Variants in PARVB observed in about 807,000 individuals in gnomAD.
PARVB encodes the protein parvin beta, also known as beta-parvin.
Under a neutral mutation model 47.0 loss-of-function variants are expected in PARVB, and 46 were observed. The ratio of observed to expected loss-of-function variants is 0.98; its 90% confidence interval spans 0.77 to 1.25. The LOEUF (loss-of-function observed/expected upper bound fraction) is 1.25, where lower values mean the gene tolerates loss of function less well. Among genes scored for constraint, PARVB ranks in the 50% most tolerant of loss-of-function variants. The pLI, the probability that PARVB is intolerant of heterozygous loss-of-function variation, is 0.00. For synonymous variants in PARVB, 196 were observed against 196.3 expected, an observed-to-expected ratio of 1.00 and a Z score of 0.01; for missense variants, 473 against 471.6, an observed-to-expected ratio of 1.00 and a Z score of -0.03.
At chr22:44,108,807 T>G (rs1426101923) in intron 3 of PARVB, 1 of 152,222 alleles carries the variant, frequency 6.6e-6, no homozygotes, top group East Asian at 1.9e-4. Flanking sequence ...CAGTTAAGGC[T>G]GTTTTTACTT....
At chr22:44,050,325 C>T (rs577503227) in intron 1 of PARVB, among the ~76,000 whole-genome samples, 6 of 151,928 alleles carry the variant, frequency 3.9e-5, no homozygotes, top group Admixed American at 1.3e-4. Context: ...ACAAGACATT[C>T]CTACAGGTGA....
At chr22:44,041,531 G>C (rs992321973) in intron 1 of PARVB, among the ~76,000 whole-genome samples, 2 of 152,012 alleles carry the variant, frequency 1.3e-5, no homozygotes, top group African/African-American at 4.8e-5. Context: ...ATGTTTCTAT[G>C]TGTTTGAAAC....
chr22:44,061,466 C>G (rs1260154286), intron 1 of PARVB, among the ~76,000 whole-genome samples: 1 of 151,258 alleles, frequency 6.6e-6, no homozygotes, highest in Non-Finnish European at 1.5e-5. Flanking sequence ...CAAAACAAAC[C>G]AAAACAGTGA....
chr22:44,019,072 A>G (rs934007919), intron 2 of PARVB, among the ~76,000 whole-genome samples: 1 of 151,646 alleles, frequency 6.6e-6, no homozygotes, highest in African/African-American at 2.4e-5. Context: ...GCCTGCCACC[A>G]TACCTGGCTA....
At chr22:44,038,718 G>A (rs1193259590) in intron 1 of PARVB, among the ~76,000 whole-genome samples, 2 of 152,096 alleles carry the variant, frequency 1.3e-5, no homozygotes, top group East Asian at 3.9e-4. Context: ...GGAGGTGGAC[G>A]TTGCAGTGAG....
At chr22:44,084,717 C>T (rs1482981268) in intron 1 of PARVB, among the ~76,000 whole-genome samples, 1 of 152,210 alleles carries the variant, frequency 6.6e-6, no homozygotes, top group East Asian at 1.9e-4. Context: ...TTCCTCCCTC[C>T]TTCAGGGTAG....
At chr22:44,004,252 A>G (rs948103944) in intron 2 of PARVB, among the ~76,000 whole-genome samples, 1 of 152,248 alleles carries the variant, frequency 6.6e-6, no homozygotes, top group African/African-American at 2.4e-5. Context: ...CTGGGGCAGG[A>G]GCAGGCGCTC....
chr22:44,170,991 T>G lies in PARVB; in HGVS notation c.*2313T>G, dbSNP rs1024948901. On this transcript the variant is annotated 3_prime_UTR_variant, in exon 13 of 13. Coordinates refer to ENST00000338758, the MANE Select transcript of PARVB (RefSeq NM_013327.5). ...GTGATTTCCCAGCAGGGGAAAGAAATAATTAAAACAGCATTACGGTGTCTC... is the reference window on the plus strand; with the variant it reads ...GTGATTTCCCAGCAGGGGAAAGAAAGAATTAAAACAGCATTACGGTGTCTC... 1 of 152,172 alleles carries G rather than the reference T, an allele frequency of 6.6e-6. No homozygotes were observed. Among genetic ancestry groups the G allele is most frequent in the Non-Finnish European group, 1.5e-5 (1 of 68,036 alleles). The allele number at this position is 152,172 out of a possible 1,614,324, so 9.4% of individuals were successfully genotyped here. A position where few individuals can be genotyped will look rare whatever the true frequency, so the allele number is the denominator to read the frequency against.
In PARVB at chr22:44,148,064, C is replaced by A. The variant is rs746525237; in HGVS notation, c.774+142C>A. The A allele has an allele frequency of 1.3e-4, 90 of 716,284 alleles. 1 individual carries two copies. The Middle Eastern group carries it at 2.2e-3, about 18-fold the overall frequency. The allele number at this position is 716,284 out of a possible 1,614,324, so 44.4% of individuals were successfully genotyped here. A position where few individuals can be genotyped will look rare whatever the true frequency, so the allele number is the denominator to read the frequency against. On this transcript the variant is annotated intron_variant, in intron 9 of 12. Coordinates refer to ENST00000338758, the MANE Select transcript of PARVB (RefSeq NM_013327.5). ...ACATGGATTGAAATGTAATTACAGT[C>A]AAAAACCTAACCACAGTGCATAAAA...
chr22:44,165,239 T>C (rs892721635), intron 12 of PARVB, among the ~76,000 whole-genome samples: 2 of 152,344 alleles, frequency 1.3e-5, no homozygotes, highest in Non-Finnish European at 2.9e-5. Flanking sequence ...CTCAAGCGAT[T>C]CGCCCATTAC....
chr22:44,022,765 G>C (rs568356507), upstream of PARVB, among the ~76,000 whole-genome samples: 1 of 149,198 alleles, frequency 6.7e-6, no homozygotes, highest in South Asian at 2.1e-4. Flanking sequence ...TTTATTTTTG[G>C]AGACAGAGTC....
At chr22:44,117,140 C>T (rs919517237) in intron 3 of PARVB, among the ~76,000 whole-genome samples, 3 of 152,138 alleles carry the variant, frequency 2.0e-5, no homozygotes, top group East Asian at 1.9e-4. Context: ...CACCCCGCCC[C>T]GTGGCAGGGG....
intron 1 of PARVB, among the ~76,000 whole-genome samples, chr22:44,091,413 C>T (rs1225638910): frequency 6.6e-6 from 1 of 151,948 alleles, no homozygotes; most frequent in Non-Finnish European, 1.5e-5. Flanking sequence ...ATCACCACCA[C>T]CCACCCACAG....
chr22:44,009,317 T>C (rs2050498144), intron 2 of PARVB, among the ~76,000 whole-genome samples: 4 of 152,238 alleles, frequency 2.6e-5, no homozygotes, highest in Non-Finnish European at 4.4e-5. Flanking sequence ...TGAAAGTTTC[T>C]ATCACTTTTA....
At chr22:43,999,836 A>G (rs2050394207) in intron 2 of PARVB, among the ~76,000 whole-genome samples, 1 of 79,578 alleles carries the variant, frequency 1.3e-5, no homozygotes, top group Non-Finnish European at 2.3e-5. Flanking sequence ...ATCTATATGA[A>G]AAAAAAAAAA....
intron 4 of PARVB, among the ~76,000 whole-genome samples, chr22:44,130,114 A>T (rs1267485596): frequency 6.6e-6 from 1 of 152,214 alleles, no homozygotes. Context: ...CCACTTGCAA[A>T]ACAGAAACCC....
At chr22:44,085,966 A>G (rs1270189762) in intron 1 of PARVB, among the ~76,000 whole-genome samples, 2 of 152,178 alleles carry the variant, frequency 1.3e-5, no homozygotes, top group Non-Finnish European at 2.9e-5. Flanking sequence ...ATGTTCACAC[A>G]TTTCTTTTAG....
intron 2 of PARVB, among the ~76,000 whole-genome samples, chr22:44,013,195 A>G (rs6006616): frequency 0.26 from 39,534 of 151,984 alleles, 5,688 homozygotes; most frequent in African/African-American, 0.38. Flanking sequence ...ACCGTGCCTG[A>G]CCGCTTGCAG....
In PARVB at chr22:44,164,412, C is replaced by CCCA. The variant is rs1453712277; in HGVS notation, c.1018+484_1018+485insACC. On this transcript the variant is annotated intron_variant, in intron 12 of 12. Transcript: ENST00000338758. ...GGGGCGGGCGGTTGCTTCCCTGTCC[C>CCCA]CCCCCCGGCTCCTGTGCCAAGTTAC... Among the ~76,000 whole-genome samples the CCCA allele has an allele frequency of 1.1e-4, 16 of 139,312 alleles. No homozygotes were observed. The South Asian group carries it at 2.2e-3, about 19-fold the overall frequency. The allele number at this position is 139,312 out of a possible 152,430, so 91.4% of individuals were successfully genotyped here. A position where few individuals can be genotyped will look rare whatever the true frequency, so the allele number is the denominator to read the frequency against.
Sources: gnomAD v4.1 joint callset for allele counts (sites outside exome capture counted in the v4.1 genomes callset) on GRCh38, gnomAD v4.1.1 for gene constraint, MANE v1.5 for transcripts, NCBI Gene and HGNC (gene_info 2026-07-23, HGNC 2026-07-21) for gene names.